Variants in TRAPPC12 observed in about 807,000 individuals in gnomAD.
TRAPPC12 encodes the protein trafficking protein particle complex subunit 12, also known as TPR repeat protein 15.
A neutral mutation model predicts 69.2 loss-of-function variants in TRAPPC12; 61 were observed. That is an observed-to-expected ratio of 0.88 (90% CI 0.72 to 1.09). The LOEUF is 1.09. Among genes scored for constraint, TRAPPC12 ranks in the 50% least tolerant of loss-of-function variants. The pLI is 0.00. For synonymous variants in TRAPPC12, 469 were observed against 438.9 expected (o/e 1.07, Z -0.86); for missense variants, 1,101 against 1,016.4 (o/e 1.08, Z -1.13).
intron 5 of TRAPPC12, 118 bp from the exon 6 acceptor site, chr2:3,443,661 T>C: frequency 1.3e-6 from 1 of 756,448 alleles, no homozygotes; most frequent in Non-Finnish European, 2.4e-6. Context: ...TCACAAGAAA[T>C]AAAGGGATCT....
intron 3 of TRAPPC12, among the ~76,000 whole-genome samples, chr2:3,408,351 G>A (rs1032875001): frequency 2.5e-4 from 38 of 152,344 alleles, no homozygotes; most frequent in Admixed American, 2.0e-3. Context: ...ATAAAGCTGG[G>A]CGTGGTGGCT....
At chr2:3,451,356 T>G (rs896397630) in intron 6 of TRAPPC12, among the ~76,000 whole-genome samples, 3 of 152,210 alleles carry the variant, frequency 2.0e-5, no homozygotes, top group African/African-American at 7.2e-5. Context: ...CAGAGCAGTC[T>G]GAGTCTGGAA....
intron 5 of TRAPPC12, among the ~76,000 whole-genome samples, chr2:3,428,299 C>A (rs921211678): frequency 1.3e-5 from 2 of 152,142 alleles, no homozygotes; most frequent in Admixed American, 1.3e-4. Context: ...TTAGCAAAAG[C>A]GTATTAACAT....
intron 10 of TRAPPC12, chr2:3,478,153 GTGTCTGGATCCCGTGCTCTGGTGTTC>G (rs1666380099): frequency 5.8e-6 from 1 of 171,926 alleles, no homozygotes; most frequent in Non-Finnish European, 1.2e-5. Context: ...CTGGTGTTCT[GTGTCTGGATCCCGTGCTCTGGTGTTC>G]TGTGGTAGAA....
chr2:3,380,608 C>T (rs1478971699), intron 1 of TRAPPC12, among the ~76,000 whole-genome samples: 2 of 152,122 alleles, frequency 1.3e-5, no homozygotes, highest in Non-Finnish European at 2.9e-5. Context: ...TTCGCAAATT[C>T]AGAAGATAGT....
At chr2:3,457,303 A>G (rs1005852129) in intron 6 of TRAPPC12, 3 of 410,196 alleles carry the variant, frequency 7.3e-6, no homozygotes, top group African/African-American at 2.1e-5. Context: ...GGAGGGTGGG[A>G]TGGGAGGAAG....
intron 5 of TRAPPC12, among the ~76,000 whole-genome samples, chr2:3,441,653 ATAT>A (rs1228536032): frequency 6.9e-6 from 1 of 145,908 alleles, no homozygotes; most frequent in Non-Finnish European, 1.5e-5. Flanking sequence ...TAATACAATA[ATAT>A]TTTTATTATT....
chr2:3,440,410 G>A (rs1664136181), intron 5 of TRAPPC12, among the ~76,000 whole-genome samples: 1 of 151,826 alleles, frequency 6.6e-6, no homozygotes, highest in South Asian at 2.1e-4. Flanking sequence ...TGCATATTTT[G>A]TCCATTTTAT....
At chr2:3,478,703 G>A (rs906145580) in intron 10 of TRAPPC12, 143 bp from the exon 11 acceptor site, 19 of 638,254 alleles carry the variant, frequency 3.0e-5, no homozygotes, top group African/African-American at 1.1e-4. Context: ...GCAGCTCACC[G>A]CCTCTACCTG....
chr2:3,447,165 A>G lies in TRAPPC12; in HGVS notation c.1530+3274A>G, dbSNP rs563035524. Among the ~76,000 whole-genome samples, 22 of 150,542 alleles carry G rather than the reference A, an allele frequency of 1.5e-4. No homozygotes were observed. In the South Asian group the frequency reaches 4.4e-3, roughly 30 times the overall value. On this transcript the variant is annotated intron_variant, in intron 6 of 11. Transcript: ENST00000324266. ...ACCCAGGCTGGAGTGCAGTGGCGCT[A>G]TTGGCTCACTGCAACCTCCACCTCC...
intron 3 of TRAPPC12, among the ~76,000 whole-genome samples, chr2:3,408,107 G>A (rs966821484): frequency 1.4e-4 from 22 of 152,142 alleles, no homozygotes; most frequent in African/African-American, 5.1e-4. Context: ...TCAGAATGCT[G>A]AGGCTGTGCT....
At chr2:3,406,187 C>T (rs1455402063) in intron 3 of TRAPPC12, among the ~76,000 whole-genome samples, 10 of 152,222 alleles carry the variant, frequency 6.6e-5, no homozygotes, top group East Asian at 3.9e-4. Flanking sequence ...CTCACATGGT[C>T]ACGCAACATA....
chr2:3,421,898 G>A lies in TRAPPC12; in HGVS notation c.1182G>A (p.Arg394=). The change falls in exon 4 of 12, where the codon AGG becomes AGA. Residue 394 remains arginine, a synonymous_variant. Transcript: ENST00000324266. ...TCTTGCAGAGCTGCAGAAACTGGAG[G>A]GCAGCAGTGGACCTGTGCGGACGTC... ...LKQLISCRNW[R]AAVDLCGRLL... is the part of the protein sequence containing the mutation. 2.5e-6 allele frequency: 4 copies of A among 1,613,808 alleles called. No individual in the cohort carries two copies. The highest frequency in any genetic ancestry group is 3.4e-6 in the Non-Finnish European group (4 of 1,179,880).
chr2:3,451,214 C>T (rs1664832836), intron 6 of TRAPPC12, among the ~76,000 whole-genome samples: 1 of 152,206 alleles, frequency 6.6e-6, no homozygotes, highest in Non-Finnish European at 1.5e-5. Context: ...ATCTTCCCTC[C>T]CATACTGTGG....
At chr2:3,388,757 G>GA in intron 2 of TRAPPC12, 87 bp downstream of exon 2, 1 of 1,296,546 alleles carries the variant, frequency 7.7e-7, no homozygotes, top group Non-Finnish European at 1.0e-6. Flanking sequence ...GATGGAGAAG[G>GA]AGAAGGCCTT....
intron 1 of TRAPPC12, among the ~76,000 whole-genome samples, 161 bp from the exon 2 acceptor site, chr2:3,387,459 G>A (rs966024290): frequency 6.6e-6 from 1 of 152,218 alleles, no homozygotes; most frequent in African/African-American, 2.4e-5. Context: ...CTGAACTTAA[G>A]GTGGTCAATT....
chr2:3,389,166 A>C (rs1364537962), intron 2 of TRAPPC12, among the ~76,000 whole-genome samples: 1 of 152,266 alleles, frequency 6.6e-6, no homozygotes, highest in African/African-American at 2.4e-5. Flanking sequence ...ACTACTAATG[A>C]AAGACAATTG....
intron 9 of TRAPPC12, among the ~76,000 whole-genome samples, chr2:3,476,145 TGC>T (rs1318921879): frequency 1.3e-5 from 2 of 152,220 alleles, no homozygotes; most frequent in Admixed American, 1.3e-4. Flanking sequence ...GTGGTGTGTG[TGC>T]ACGCCTGTGT....
chr2:3,440,256 G>A (rs1160791103), intron 5 of TRAPPC12, among the ~76,000 whole-genome samples: 1 of 152,142 alleles, frequency 6.6e-6, no homozygotes, highest in Admixed American at 6.6e-5. Flanking sequence ...GATTGGGGCT[G>A]CATCGAATCT....
Sources: gnomAD v4.1 joint callset for allele counts (sites outside exome capture counted in the v4.1 genomes callset) on GRCh38, gnomAD v4.1.1 for gene constraint, MANE v1.5 for transcripts, NCBI Gene and HGNC (gene_info 2026-07-23, HGNC 2026-07-21) for gene names.